Variants in INSL6 observed in about 807,000 individuals in gnomAD.
The protein encoded by INSL6 is insulin like 6, also known as insulin-like peptide INSL6.
Under a neutral mutation model 9.4 loss-of-function variants are expected in INSL6, and 16 were observed. The observed-to-expected ratio is 1.70, with a 90% CI of 1.15 to 2.59. The LOEUF (loss-of-function observed/expected upper bound fraction) is 2.59, where lower values mean the gene tolerates loss of function less well. INSL6 is among the 30% of genes most tolerant of loss of function. The pLI is 0.00. For missense variants in INSL6, 391 were observed against 257.3 expected, an observed-to-expected ratio of 1.52 and a Z score of -3.56; for synonymous variants, 154 against 96.9, an observed-to-expected ratio of 1.59 and a Z score of -3.46.
intron 3 of INSL6, among the ~76,000 whole-genome samples, chr9:5,131,270 AT>A (rs1171929511): frequency 6.6e-6 from 1 of 152,130 alleles, no homozygotes; most frequent in Non-Finnish European, 1.5e-5. Flanking sequence ...TTTATTGGCT[AT>A]CCTAAATTTT....
At chr9:5,086,142 C>CGGCGGCCCT in the INSL6 span, 1 of 386,482 alleles carries the variant, frequency 2.6e-6, no homozygotes, top group Non-Finnish European at 4.3e-6. Flanking sequence ...CCGGCGGCCC[C>CGGCGGCCCT]GCAAGGCTCG....
chr9:5,070,024 AC>A, the INSL6 span: 1 of 1,607,400 alleles, frequency 6.2e-7, no homozygotes, highest in African/African-American at 1.3e-5. Context: ...ATGGTGTTTC[AC>A]AAAATCAGAA....
chr9:5,070,584 T>C, the INSL6 span, among the ~76,000 whole-genome samples: 1 of 151,968 alleles, frequency 6.6e-6, no homozygotes, highest in Non-Finnish European at 1.5e-5. Context: ...TTTTTTAAAA[T>C]TATTTATTTA....
chr9:5,101,326 C>T, the INSL6 span, among the ~76,000 whole-genome samples: 29 of 152,242 alleles, frequency 1.9e-4, no homozygotes, highest in African/African-American at 5.3e-4. Flanking sequence ...GCCTGGCAGG[C>T]GGAGGGGCGT....
intron 1 of INSL6, 132 bp from the exon 2 acceptor site, chr9:5,164,397 A>G (rs1444861638): frequency 3.2e-6 from 2 of 633,880 alleles, no homozygotes; most frequent in African/African-American, 1.8e-5. Context: ...AATGGAAAGT[A>G]TGGTTATTCA....
chr9:5,044,358 T>C, the INSL6 span: 1 of 1,202,710 alleles, frequency 8.3e-7, no homozygotes, highest in Non-Finnish European at 1.2e-6. Context: ...TACGTTTGTA[T>C]TTGAACTATT....
the INSL6 span, among the ~76,000 whole-genome samples, chr9:5,042,124 C>CTTTTTTTTT: frequency 3.7e-5 from 4 of 107,610 alleles, 1 homozygote; most frequent in African/African-American, 1.5e-4. Context: ...GCCAAAATTT[C>CTTTTTTTTT]TTTTTTTTTT....
chr9:5,087,309 G>A, the INSL6 span, among the ~76,000 whole-genome samples: 1 of 152,184 alleles, frequency 6.6e-6, no homozygotes, highest in African/African-American at 2.4e-5. Flanking sequence ...AATGCCAGAT[G>A]CTTACAAAAC....
At chr9:5,023,511 A>C in the INSL6 span, among the ~76,000 whole-genome samples, 4 of 152,070 alleles carry the variant, frequency 2.6e-5, no homozygotes, top group Non-Finnish European at 4.4e-5. Flanking sequence ...GCAGCCCTCT[A>C]TGTGAATTTT....
chr9:5,090,005 T>C, the INSL6 span: 1 of 478,244 alleles, frequency 2.1e-6, no homozygotes, highest in Non-Finnish European at 3.4e-6. Context: ...GAGATTGTGT[T>C]TGGTGATCAT....
At chr9:4,995,402 C>T in the INSL6 span, among the ~76,000 whole-genome samples, 118 of 152,260 alleles carry the variant, frequency 7.7e-4, no homozygotes, top group African/African-American at 2.7e-3. Flanking sequence ...TTGAGATTCT[C>T]CCTTGTTTTC....
downstream of INSL6, chr9:5,123,095 A>G (rs1007272721): frequency 6.2e-7 from 1 of 1,607,646 alleles, no homozygotes; most frequent in East Asian, 2.2e-5. Flanking sequence ...TTTCACATAC[A>G]TTGAGAAGAG....
At chr9:5,076,083 T>C in the INSL6 span, among the ~76,000 whole-genome samples, 1 of 152,162 alleles carries the variant, frequency 6.6e-6, no homozygotes, top group Admixed American at 6.5e-5. Flanking sequence ...TGCTACAATC[T>C]CACGATAAGC....
At chr9:5,165,624 T>C (rs1037351883) in intron 1 of INSL6, among the ~76,000 whole-genome samples, 1 of 152,210 alleles carries the variant, frequency 6.6e-6, no homozygotes, top group Non-Finnish European at 1.5e-5. Flanking sequence ...TGTCTTCTTA[T>C]GCACATCTTA....
At chr9:5,098,632 G>T in the INSL6 span, 1 of 151,770 alleles carries the variant, frequency 6.6e-6, no homozygotes, top group East Asian at 1.9e-4. Flanking sequence ...TACTGTCAAA[G>T]CAATTGGTCA....
At chr9:5,112,532 A>C in the INSL6 span, 1 of 592,834 alleles carries the variant, frequency 1.7e-6, no homozygotes, top group Non-Finnish European at 3.0e-6. Context: ...CAGAAGGCCG[A>C]GTGGGAGAAG....
At chr9:5,081,522 C>G in the INSL6 span, among the ~76,000 whole-genome samples, 1 of 152,064 alleles carries the variant, frequency 6.6e-6, no homozygotes, top group African/African-American at 2.4e-5. Flanking sequence ...AAATTTTATC[C>G]TTTGCAAAGT....
At chr9:5,080,574 A>G in the INSL6 span, 3 of 1,602,186 alleles carry the variant, frequency 1.9e-6, no homozygotes, top group Non-Finnish European at 2.5e-6. Flanking sequence ...TTCCTGCACC[A>G]AAGTGGGCAG....
chr9:5,184,961 T>C (rs1825535383), intron 1 of INSL6, among the ~76,000 whole-genome samples: 1 of 152,160 alleles, frequency 6.6e-6, no homozygotes, highest in Non-Finnish European at 1.5e-5. Flanking sequence ...GAAAGGACAA[T>C]GGAGCCATTG....
Sources: allele counts gnomAD v4.1 joint callset (sites outside exome capture counted in the v4.1 genomes callset), GRCh38; gene constraint gnomAD v4.1.1; transcripts MANE v1.5; gene names NCBI Gene and HGNC (gene_info 2026-07-23, HGNC 2026-07-21).